FANCB: variants seen among roughly 807,000 people sequenced by gnomAD.
FANCB encodes the protein FA complementation group B.
In FANCB, 5 loss-of-function variants were observed where a neutral mutation model predicts 38.9. The observed-to-expected ratio is 0.13, with a 90% CI of 0.07 to 0.27. The LOEUF (loss-of-function observed/expected upper bound fraction) is 0.27. Among genes scored for constraint, FANCB ranks in the 10% least tolerant of loss-of-function variants. The probability of loss-of-function intolerance (pLI) is 1.00; values close to 1 mark genes in which losing one functional copy is unlikely to be tolerated. For missense variants in FANCB, 573 were observed against 602.7 expected, an observed-to-expected ratio of 0.95 and a Z score of 0.52; for synonymous variants, 236 against 215.4, an observed-to-expected ratio of 1.10 and a Z score of -0.84.
chrX:14,812,619 A>G, the FANCB span, among the ~76,000 whole-genome samples: 1 of 109,608 alleles, frequency 9.1e-6, no homozygotes, highest in Admixed American at 9.6e-5. Flanking sequence ...AACCAGGAAG[A>G]AGTTGAGTCT....
the FANCB span, among the ~76,000 whole-genome samples, chrX:14,751,428 C>A: frequency 8.9e-6 from 1 of 111,738 alleles, no homozygotes; most frequent in Non-Finnish European, 1.9e-5. Context: ...TCCAAACAGA[C>A]AAAATTAATC....
At chrX:14,812,203 G>C in the FANCB span, among the ~76,000 whole-genome samples, 1 of 110,723 alleles carries the variant, frequency 9.0e-6, no homozygotes, top group Non-Finnish European at 1.9e-5. Context: ...ATGCCCACAA[G>C]AGAAAGCAGG....
At chrX:14,784,404 A>C in the FANCB span, among the ~76,000 whole-genome samples, 1 of 110,919 alleles carries the variant, frequency 9.0e-6, no homozygotes, top group Non-Finnish European at 1.9e-5. Context: ...TCCTCAGCTC[A>C]TGACTCCTTC....
At chrX:14,751,465 T>C in the FANCB span, among the ~76,000 whole-genome samples, 1 of 111,938 alleles carries the variant, frequency 8.9e-6, no homozygotes. Flanking sequence ...AAATGATTGA[T>C]CGTTACCCTT....
the FANCB span, among the ~76,000 whole-genome samples, chrX:14,756,755 C>A: frequency 3.6e-5 from 4 of 111,845 alleles, no homozygotes; most frequent in African/African-American, 9.8e-5. Context: ...AAAACAGTTT[C>A]TTTTGTTTTA....
At chrX:14,780,717 T>C in the FANCB span, among the ~76,000 whole-genome samples, 1 of 110,542 alleles carries the variant, frequency 9.0e-6, no homozygotes, top group Non-Finnish European at 1.9e-5. Context: ...ATTACACAAA[T>C]AATGGGTATG....
At chrX:14,742,428 C>T in the FANCB span, among the ~76,000 whole-genome samples, 62 of 111,766 alleles carry the variant, frequency 5.5e-4, no homozygotes, top group Non-Finnish European at 6.8e-4. Flanking sequence ...ATCCCTCTGT[C>T]TTTGGTTTGC....
At chrX:14,776,011 C>A in the FANCB span, among the ~76,000 whole-genome samples, 1 of 107,853 alleles carries the variant, frequency 9.3e-6, no homozygotes, top group South Asian at 4.2e-4. Context: ...TACAAACTCA[C>A]AGGGACAAGT....
intron 7 of FANCB, among the ~76,000 whole-genome samples, chrX:14,848,806 C>T (rs2092388208): frequency 9.0e-6 from 1 of 111,069 alleles, no homozygotes; most frequent in South Asian, 3.8e-4. Context: ...CATAATCAAA[C>T]GACCCTAAAT....
At chrX:14,698,972 C>T in the FANCB span, among the ~76,000 whole-genome samples, 2 of 111,008 alleles carry the variant, frequency 1.8e-5, no homozygotes, top group Non-Finnish European at 3.8e-5. Context: ...AAGGAGTGGC[C>T]GGGCAATGTG....
chrX:14,797,017 A>T, the FANCB span, among the ~76,000 whole-genome samples: 1 of 111,686 alleles, frequency 9.0e-6, no homozygotes, highest in Non-Finnish European at 1.9e-5. Flanking sequence ...TCTTCAATCA[A>T]TCAGATGAGG....
intron 6 of FANCB, among the ~76,000 whole-genome samples, chrX:14,852,625 A>G (rs2092406517): frequency 8.9e-6 from 1 of 112,157 alleles, no homozygotes; most frequent in African/African-American, 3.2e-5. Context: ...AAGAACAATC[A>G]TTATCCTAAT....
the FANCB span, among the ~76,000 whole-genome samples, chrX:14,724,408 C>T: frequency 3.4e-4 from 37 of 109,074 alleles, no homozygotes; most frequent in Non-Finnish European, 6.1e-4. Flanking sequence ...GGTGCATCAC[C>T]GGAAGTCAGG....
the FANCB span, among the ~76,000 whole-genome samples, chrX:14,779,713 T>C: frequency 5.6e-5 from 6 of 107,165 alleles, no homozygotes; most frequent in Admixed American, 9.6e-5. Context: ...GACTAAAACA[T>C]TGCGATAATA....
At chrX:14,858,005 A>G in intron 4 of FANCB, 51 bp from the exon 5 acceptor site, 1 of 815,337 alleles carries the variant, frequency 1.2e-6, no homozygotes, top group Non-Finnish European at 1.8e-6. Context: ...TTTTGCAACA[A>G]TTGAAAATTC....
chrX:14,843,508 C>A lies in FANCB; in HGVS notation c.*59G>T. The A allele has an allele frequency of 1.1e-6, 1 of 939,776 alleles. No homozygotes were observed. The highest frequency in any genetic ancestry group is 1.5e-6 in the Non-Finnish European group (1 of 675,884). 77.4% of individuals were successfully genotyped at this position (939,776 alleles called of 1,213,427 possible). ...CAAAGGAGGCATATAGCAAGTAGAA[C>A]CAAAATCTTATATGGTGGTGAAAAC... On this transcript the variant is annotated 3_prime_UTR_variant, in exon 10 of 10. Transcript: ENST00000650831.
chrX:14,801,456 T>C, the FANCB span, among the ~76,000 whole-genome samples: 9 of 112,110 alleles, frequency 8.0e-5, no homozygotes, highest in Middle Eastern at 9.1e-3. Context: ...ACAGGATTCC[T>C]CAAACTACAG....
At chrX:14,797,700 A>C in the FANCB span, among the ~76,000 whole-genome samples, 1 of 107,925 alleles carries the variant, frequency 9.3e-6, no homozygotes, top group Middle Eastern at 4.8e-3. Context: ...AAAGAGAGAG[A>C]GAGAGAGAGA....
the FANCB span, among the ~76,000 whole-genome samples, chrX:14,732,423 G>A: frequency 8.9e-6 from 1 of 111,849 alleles, no homozygotes; most frequent in East Asian, 2.8e-4. Context: ...TGGGTCAAAT[G>A]GTATTTCTGG....
Sources: gnomAD v4.1 joint callset for allele counts (sites outside exome capture counted in the v4.1 genomes callset) on GRCh38, gnomAD v4.1.1 for gene constraint, MANE v1.5 for transcripts, NCBI Gene and HGNC (gene_info 2026-07-23, HGNC 2026-07-21) for gene names.